The following MTUS2 variants were observed in gnomAD, a reference collection of about 807,000 sequenced individuals.
MTUS2 encodes microtubule-associated tumor suppressor candidate 2.
A neutral mutation model predicts 114.1 loss-of-function variants in MTUS2; 40 were observed. That is an observed-to-expected ratio of 0.35 (90% CI 0.27 to 0.46). MTUS2 has a LOEUF of 0.46. MTUS2 is among the 20% of genes least tolerant of loss of function. The pLI is 1.00. For synonymous variants in MTUS2, 688 were observed against 672.0 expected (o/e 1.02, Z -0.37); for missense variants, 1,679 against 1,705.4 (o/e 0.98, Z 0.27).
intron 8 of MTUS2, among the ~76,000 whole-genome samples, chr13:29,404,034 A>G (rs1874557427): frequency 6.6e-6 from 1 of 151,846 alleles, no homozygotes; most frequent in Non-Finnish European, 1.5e-5. Flanking sequence ...ACTCTTATTT[A>G]CTACATCCAT....
At chr13:29,499,776 A>G (rs1273985401) in intron 14 of MTUS2, among the ~76,000 whole-genome samples, 1 of 152,206 alleles carries the variant, frequency 6.6e-6, no homozygotes, top group East Asian at 1.9e-4. Flanking sequence ...AGGGCCACCC[A>G]TTGCATTTGG....
At chr13:28,914,851 T>C (rs1371425779) in intron 2 of MTUS2, among the ~76,000 whole-genome samples, 2 of 152,026 alleles carry the variant, frequency 1.3e-5, no homozygotes, top group African/African-American at 2.4e-5. Flanking sequence ...CTTCTTGGTC[T>C]TTTTTATTTT....
intron 5 of MTUS2, among the ~76,000 whole-genome samples, chr13:29,107,171 G>A (rs954361831): frequency 3.6e-4 from 55 of 151,692 alleles, no homozygotes; most frequent in African/African-American, 1.3e-3. Flanking sequence ...TTTGTTCCTG[G>A]AAACCCCTAG....
chr13:29,466,833 C>T (rs867487587), intron 9 of MTUS2, among the ~76,000 whole-genome samples: 1 of 141,996 alleles, frequency 7.0e-6, no homozygotes. Context: ...GTTGAGATTG[C>T]ACCACTGTAC....
At chr13:29,440,800 G>T (rs746965476) in intron 9 of MTUS2, among the ~76,000 whole-genome samples, 3 of 152,096 alleles carry the variant, frequency 2.0e-5, no homozygotes, top group African/African-American at 7.2e-5. Context: ...ACCATGTGCA[G>T]GTGTGGCTTC....
At chr13:29,187,557 A>G (rs1381462565) in intron 5 of MTUS2, among the ~76,000 whole-genome samples, 1 of 152,202 alleles carries the variant, frequency 6.6e-6, no homozygotes, top group Non-Finnish European at 1.5e-5. Context: ...TTGTGAAGCT[A>G]TTATTTTAGG....
intron 2 of MTUS2, among the ~76,000 whole-genome samples, chr13:28,971,382 G>A (rs1883849188): frequency 2.0e-5 from 3 of 152,170 alleles, no homozygotes; most frequent in African/African-American, 7.2e-5. Context: ...GGTCTGGTGA[G>A]CCAAGTACCT....
chr13:29,206,405 A>C (rs991386444), intron 5 of MTUS2, among the ~76,000 whole-genome samples: 17 of 152,128 alleles, frequency 1.1e-4, no homozygotes, highest in African/African-American at 4.1e-4. Context: ...GAAGCTTTTT[A>C]GTTTAATTCA....
intron 9 of MTUS2, among the ~76,000 whole-genome samples, chr13:29,479,038 G>A (rs2138886587): frequency 6.6e-6 from 1 of 152,336 alleles, no homozygotes. Context: ...TGGGACTTCT[G>A]ATTAGGGTGT....
chr13:29,365,113 C>A (rs1870592113), intron 8 of MTUS2, among the ~76,000 whole-genome samples: 1 of 152,124 alleles, frequency 6.6e-6, no homozygotes, highest in South Asian at 2.1e-4. Flanking sequence ...GATAAAAGAA[C>A]CATGAGCGTC....
At chr13:29,373,329 C>A (rs1157804554) in intron 8 of MTUS2, among the ~76,000 whole-genome samples, 1 of 152,132 alleles carries the variant, frequency 6.6e-6, no homozygotes, top group African/African-American at 2.4e-5. Flanking sequence ...TCCATGTACA[C>A]ATACCATCTG....
intron 6 of MTUS2, among the ~76,000 whole-genome samples, chr13:29,316,358 G>C (rs1159529432): frequency 6.6e-6 from 1 of 152,182 alleles, no homozygotes; most frequent in Non-Finnish European, 1.5e-5. Context: ...GTTCCACATA[G>C]TATGGAGGAA....
chr13:28,926,315 T>C (rs2138071372), intron 2 of MTUS2, among the ~76,000 whole-genome samples: 1 of 152,350 alleles, frequency 6.6e-6, no homozygotes, highest in South Asian at 2.1e-4. Flanking sequence ...TTAGGGAAAT[T>C]AAAGCGCTGA....
At chr13:29,199,917 T>C (rs533129877) in intron 5 of MTUS2, among the ~76,000 whole-genome samples, 226 of 152,310 alleles carry the variant, frequency 1.5e-3, no homozygotes, top group African/African-American at 5.2e-3. Context: ...TGGTTTAGTC[T>C]TGGGAGGGGT....
intron 2 of MTUS2, among the ~76,000 whole-genome samples, chr13:28,882,591 C>A (rs1026195168): frequency 2.0e-5 from 3 of 151,826 alleles, no homozygotes; most frequent in Non-Finnish European, 4.4e-5. Context: ...CAAAACATTA[C>A]CTGGGTGTGG....
At chr13:29,458,073 T>G (rs1318800020) in intron 9 of MTUS2, among the ~76,000 whole-genome samples, 1 of 152,166 alleles carries the variant, frequency 6.6e-6, no homozygotes, top group Non-Finnish European at 1.5e-5. Context: ...ATGTGACAAC[T>G]GGCTATCTGT....
At chr13:29,099,949 A>G (rs1286498163) in intron 4 of MTUS2, among the ~76,000 whole-genome samples, 3 of 152,206 alleles carry the variant, frequency 2.0e-5, no homozygotes, top group African/African-American at 7.2e-5. Context: ...TTATAACTTG[A>G]TGTTTTATTA....
chr13:29,337,787 GT>G (rs1256726783), intron 7 of MTUS2, among the ~76,000 whole-genome samples: 6 of 127,068 alleles, frequency 4.7e-5, no homozygotes, highest in Admixed American at 4.5e-4. Context: ...TTGTTTGTTT[GT>G]TTTGGTTTTT....
chr13:29,015,341 A>T (rs1886021404), intron 2 of MTUS2, among the ~76,000 whole-genome samples: 1 of 152,204 alleles, frequency 6.6e-6, no homozygotes, highest in Non-Finnish European at 1.5e-5. Flanking sequence ...AATTAGGAAG[A>T]GTTTTTCAAG....
Sources: gnomAD v4.1 joint callset for allele counts (sites outside exome capture counted in the v4.1 genomes callset) on GRCh38, gnomAD v4.1.1 for gene constraint, MANE v1.5 for transcripts, NCBI Gene and HGNC (gene_info 2026-07-23, HGNC 2026-07-21) for gene names.